The following UNC79 variants were observed in gnomAD, a reference collection of about 807,000 sequenced individuals.
UNC79 encodes unc-79 subunit of NALCN channel complex.
UNC79 carries 37 observed loss-of-function variants against 283.1 expected under a neutral mutation model. That is an observed-to-expected ratio of 0.13 (90% CI 0.10 to 0.17). UNC79 has a LOEUF of 0.17. Among genes scored for constraint, UNC79 ranks in the 10% least tolerant of loss-of-function variants. The probability of loss-of-function intolerance (pLI) is 1.00; values close to 1 mark genes in which losing one functional copy is unlikely to be tolerated. For synonymous variants in UNC79, 1,107 were observed against 1,200.2 expected, an observed-to-expected ratio of 0.92 and a Z score of 1.61; for missense variants, 2,272 against 3,211.1, an observed-to-expected ratio of 0.71 and a Z score of 7.07.
intron 11 of UNC79, among the ~76,000 whole-genome samples, chr14:93,537,563 G>A (rs531783339): frequency 4.7e-4 from 71 of 152,314 alleles, no homozygotes; most frequent in African/African-American, 1.7e-3. Flanking sequence ...AGTTTATTCC[G>A]GGAGTTAACA....
At position 93,474,100 on chromosome 14, in the gene UNC79, G is replaced by A. The variant is rs553525279; in HGVS notation, c.155G>A (p.Arg52His). The A allele has an allele frequency of 5.4e-5, 83 of 1,534,444 alleles. No homozygotes were observed. Among genetic ancestry groups the A allele is most frequent in the Middle Eastern group, 1.7e-4 (1 of 6,000 alleles). ...TGTCCCCCCAACAGCATTTTGTCCC[G>A]CACAGGGAAGAAGGAAAACCAAGAT... The change falls in exon 3 of 49, where the codon CGC (arginine) becomes CAC (histidine). Residue 52 changes from arginine (R) to histidine (H), a missense_variant. This residue lies in a region of UNC79 where 194 missense variants were observed against 268.9 expected (regional missense o/e 0.72). Transcript: ENST00000555664. The surrounding 1 kb of genome is among the most constrained non-coding windows in gnomAD (Gnocchi z 4.1).
At chr14:93,551,862 G>A (rs1329905116) in intron 14 of UNC79, among the ~76,000 whole-genome samples, 1 of 152,136 alleles carries the variant, frequency 6.6e-6, no homozygotes, top group African/African-American at 2.4e-5. Flanking sequence ...CTCATCTTCT[G>A]AAGCTATACT....
intron 27 of UNC79, among the ~76,000 whole-genome samples, chr14:93,616,546 T>C (rs1173400388): frequency 6.6e-6 from 1 of 152,002 alleles, no homozygotes; most frequent in Non-Finnish European, 1.5e-5. Context: ...CTTATTGTAT[T>C]TTTGGTAGAG....
At position 93,474,455 on chromosome 14, in the gene UNC79, G is replaced by A; in HGVS notation, c.448+62G>A. 6.7e-7 allele frequency: 1 copy of A among 1,484,160 alleles called. No individual in the cohort carries two copies. Among genetic ancestry groups the A allele is most frequent in the South Asian group, 1.3e-5 (1 of 75,320 alleles). 91.9% of individuals were successfully genotyped at this position (1,484,160 alleles called of 1,614,324 possible). On this transcript the variant is annotated intron_variant, in intron 3 of 48. Coordinates refer to ENST00000555664, the Ensembl canonical transcript of UNC79. This position sits in a 1 kb window ranked among gnomAD's most constrained non-coding sequence, Gnocchi z 4.1. Reference sequence around the variant, plus strand: ...GATGCTTATGAATGTATATGATGCTGAGCAAGGGGCTTGGAGATGGTCACT... The same window carrying A: ...GATGCTTATGAATGTATATGATGCTAAGCAAGGGGCTTGGAGATGGTCACT...
chr14:93,513,324 T>A (rs911948010), intron 7 of UNC79, among the ~76,000 whole-genome samples: 2 of 151,712 alleles, frequency 1.3e-5, no homozygotes, highest in African/African-American at 4.8e-5. Flanking sequence ...TGAGATCAAG[T>A]GATCTTCCCA....
At chr14:93,695,469 T>C (rs2075025085) in intron 47 of UNC79, among the ~76,000 whole-genome samples, 1 of 152,208 alleles carries the variant, frequency 6.6e-6, no homozygotes, top group East Asian at 1.9e-4. Context: ...GTCAACACTG[T>C]TGGAGTGCAG....
At chr14:93,333,701 A>G (rs1004215621) in intron 1 of UNC79, among the ~76,000 whole-genome samples, 10 of 152,244 alleles carry the variant, frequency 6.6e-5, no homozygotes, top group African/African-American at 2.4e-4. Flanking sequence ...GCTCTTCCCT[A>G]GATGCCCCTT....
At chr14:93,447,575 C>G (rs1273077938) in intron 1 of UNC79, among the ~76,000 whole-genome samples, 1 of 151,254 alleles carries the variant, frequency 6.6e-6, no homozygotes, top group Non-Finnish European at 1.5e-5. Context: ...TTCTGGTGCT[C>G]TTTGTTTTTT....
At chr14:93,591,703 G>C (rs542834686) in intron 22 of UNC79, among the ~76,000 whole-genome samples, 7 of 152,238 alleles carry the variant, frequency 4.6e-5, no homozygotes, top group African/African-American at 1.4e-4. Flanking sequence ...CGTGACTTTT[G>C]TCTGCTTTCT....
At chr14:93,338,941 T>C (rs1448718712) in intron 1 of UNC79, among the ~76,000 whole-genome samples, 2 of 152,046 alleles carry the variant, frequency 1.3e-5, no homozygotes, top group African/African-American at 4.8e-5. Flanking sequence ...ACAAATTAAA[T>C]TTAATAGAGT....
chr14:93,357,965 C>A (rs1171920462), intron 1 of UNC79, among the ~76,000 whole-genome samples: 1 of 98,856 alleles, frequency 1.0e-5, no homozygotes, highest in African/African-American at 4.9e-5. Flanking sequence ...CTATATATAT[C>A]CATATATATA....
At chr14:93,388,383 C>G (rs1403278176) in intron 1 of UNC79, among the ~76,000 whole-genome samples, 3 of 152,170 alleles carry the variant, frequency 2.0e-5, no homozygotes, top group Non-Finnish European at 4.4e-5. Context: ...CTCTCTTTCT[C>G]CCTTTCTTCC....
chr14:93,594,476 A>G (rs2064917086), intron 23 of UNC79, among the ~76,000 whole-genome samples: 1 of 152,070 alleles, frequency 6.6e-6, no homozygotes, highest in Non-Finnish European at 1.5e-5. Flanking sequence ...CAGTATGTTG[A>G]TCAGGCTGGT....
At position 93,706,786 on chromosome 14, in the gene UNC79, C is replaced by T. The variant is rs747557882; in HGVS notation, c.7673C>T (p.Ser2558Leu). The change falls in exon 49 of 49, where the codon TCG becomes TTG. Residue 2558 changes from serine to leucine, a missense_variant. Ser to Leu is a moderately radical substitution (Grantham distance 145). Coordinates refer to ENST00000555664, the Ensembl canonical transcript of UNC79. ...CACAGCCTAAGGACGCTGCCGGGCT[C>T]GGGCCAGAGCAGTGCTGGCCTGGCA... The T allele has an allele frequency of 4.3e-6, 7 of 1,614,114 alleles. No homozygotes were observed. The African/African-American group carries it at 5.3e-5, about 12-fold the overall frequency.
chr14:93,391,995 CACA>C (rs930504432), intron 1 of UNC79, among the ~76,000 whole-genome samples: 79 of 152,246 alleles, frequency 5.2e-4, no homozygotes, highest in African/African-American at 1.8e-3. Context: ...GGTAAATTGG[CACA>C]ACAATTTGGA....
At chr14:93,653,214 G>A (rs1369495651) in intron 35 of UNC79, among the ~76,000 whole-genome samples, 1 of 152,106 alleles carries the variant, frequency 6.6e-6, no homozygotes, top group Non-Finnish European at 1.5e-5. Context: ...CATGAAGGGT[G>A]AAGGTCAAAT....
intron 47 of UNC79, among the ~76,000 whole-genome samples, chr14:93,702,600 C>A (rs911670013): frequency 3.9e-5 from 6 of 152,296 alleles, no homozygotes; most frequent in South Asian, 4.1e-4. Context: ...TCAATGAAAC[C>A]AGCAGCTTAT....
exon 26 of UNC79, chr14:93,603,267 T>G (rs753764727): frequency 2.7e-5 from 43 of 1,614,088 alleles, no homozygotes; most frequent in Non-Finnish European, 3.5e-5. Flanking sequence ...CCAATGTTGC[T>G]AACCTCAGCG....
chr14:93,706,755 AACC>A (rs1225752184), exon 49 of UNC79: 1 of 1,614,206 alleles, frequency 6.2e-7, no homozygotes, highest in Non-Finnish European at 8.5e-7. Context: ...GAACCACGTG[AACC>A]ACCACAGCCT....
Sources: allele counts gnomAD v4.1 joint callset (sites outside exome capture counted in the v4.1 genomes callset), GRCh38; gene constraint gnomAD v4.1.1; regional missense constraint gnomAD v4.1.1; non-coding constraint Gnocchi (gnomAD v3.1); transcripts MANE v1.5; gene names NCBI Gene and HGNC (gene_info 2026-07-23, HGNC 2026-07-21).